PCDHA13: variants seen among roughly 807,000 people sequenced by gnomAD.
The protein encoded by PCDHA13 is protocadherin alpha-13.
Under a neutral mutation model 64.8 loss-of-function variants are expected in PCDHA13, and 54 were observed. The ratio of observed to expected loss-of-function variants is 0.83; its 90% confidence interval spans 0.67 to 1.04. The LOEUF (loss-of-function observed/expected upper bound fraction) is 1.04, where lower values mean the gene tolerates loss of function less well. Ranked by LOEUF, PCDHA13 falls within the 50% of genes least tolerant of loss-of-function variation. PCDHA13 has a pLI of 0.00. For synonymous variants in PCDHA13, 587 were observed against 564.4 expected (o/e 1.04, Z -0.57); for missense variants, 1,248 against 1,254.3 (o/e 0.99, Z 0.08).
intron 1 of PCDHA13, among the ~76,000 whole-genome samples, chr5:140,959,348 G>C (rs991931151): frequency 1.3e-5 from 2 of 152,110 alleles, no homozygotes; most frequent in Admixed American, 6.5e-5. Flanking sequence ...GCACTCCAGC[G>C]GGACAACTGA....
At chr5:140,949,219 C>T (rs543953096) in intron 1 of PCDHA13, among the ~76,000 whole-genome samples, 3 of 151,842 alleles carry the variant, frequency 2.0e-5, no homozygotes, top group African/African-American at 7.2e-5. Flanking sequence ...TCTGTTTAGA[C>T]TTGTTCTGTG....
rs782610584 is a variant in PCDHA13 at position 140,883,582 on chromosome 5, G to C, written c.1314G>C (p.Thr438=). 38 of 1,613,902 alleles carry C rather than the reference G, an allele frequency of 2.4e-5. No homozygotes were observed. The African/African-American group carries it at 3.7e-4, about 16-fold the overall frequency. ...GGGGCTCGCCTTCGCTGTGGGCCAC[G>C]GCCAGCGTGTCGGTGGGGGTGGCCG... is the stretch of plus-strand genomic sequence containing the variant. ...RDGGSPSLWA[T]ASVSVGVADV... Residue 438 remains threonine, a synonymous_variant, in exon 1 of 4, where the codon ACG becomes ACC. Transcript: ENST00000289272.
intron 1 of PCDHA13, 163 bp from the exon 2 acceptor site, chr5:140,978,786 G>C (rs2096822943): frequency 1.4e-5 from 14 of 972,674 alleles, no homozygotes; most frequent in Non-Finnish European, 1.3e-5. Context: ...CTTCTAAAGT[G>C]CTATATATGT....
rs782212784 is a variant in PCDHA13 at position 140,883,583 on chromosome 5, G to A, written c.1315G>A (p.Ala439Thr). ...GGGCTCGCCTTCGCTGTGGGCCACGGCCAGCGTGTCGGTGGGGGTGGCCGA... is the reference window on the plus strand; with the variant it reads ...GGGCTCGCCTTCGCTGTGGGCCACGACCAGCGTGTCGGTGGGGGTGGCCGA... ...DGGSPSLWAT[A>T]SVSVGVADVN... The change falls in exon 1 of 4, where the codon GCC (alanine) becomes ACC (threonine). Residue 439 changes from alanine (A) to threonine (T), a missense_variant. By Grantham distance (58) the Ala-to-Thr change is moderately conservative. Coordinates refer to ENST00000289272, the MANE Select transcript of PCDHA13 (RefSeq NM_018904.3). The A allele has an allele frequency of 1.9e-5, 31 of 1,613,916 alleles. No individual in the cohort carries two copies. The African/African-American group carries it at 3.7e-4, about 19-fold the overall frequency.
At chr5:140,962,223 A>G (rs951247075) in intron 1 of PCDHA13, among the ~76,000 whole-genome samples, 8 of 152,160 alleles carry the variant, frequency 5.3e-5, no homozygotes, top group Admixed American at 3.9e-4. Flanking sequence ...CTTGAGGTTC[A>G]AGTTTCACTT....
rs1399480801 is a variant in PCDHA13, at chr5:140,951,947, C to T, written c.2395-27002C>T. On this transcript the variant is annotated intron_variant, in intron 1 of 3. Transcript: ENST00000289272. ...TTACTCCCAAGATACAGTGCGGGTA[C>T]AGGCATTGGGTAAATACTCCTGTTC... is the stretch of plus-strand genomic sequence containing the variant. 5.3e-5 allele frequency among the ~76,000 whole-genome samples: 8 copies of T among 152,250 alleles called. No individual in the cohort carries two copies. In the East Asian group the frequency reaches 1.5e-3, roughly 29 times the overall value.
intron 1 of PCDHA13, among the ~76,000 whole-genome samples, chr5:140,895,893 C>A (rs899081253): frequency 6.6e-6 from 1 of 152,188 alleles, no homozygotes; most frequent in African/African-American, 2.4e-5. Context: ...CTCACTGCAA[C>A]CTCCGCGTCC....
intron 1 of PCDHA13, among the ~76,000 whole-genome samples, chr5:140,950,960 A>G (rs2094536305): frequency 6.6e-6 from 1 of 151,564 alleles, no homozygotes. Flanking sequence ...CTATTGATCT[A>G]TTTTCAGATT....
At chr5:140,930,208 A>G (rs939593947) in intron 1 of PCDHA13, 39 of 152,338 alleles carry the variant, frequency 2.6e-4, no homozygotes, top group African/African-American at 8.2e-4. Flanking sequence ...AGAAATATTT[A>G]TGTGTTCAAA....
chr5:140,994,275 T>C (rs1296337913), intron 3 of PCDHA13, among the ~76,000 whole-genome samples: 1 of 152,156 alleles, frequency 6.6e-6, no homozygotes, highest in African/African-American at 2.4e-5. Flanking sequence ...AGGCTGCCTT[T>C]CTTGAGACAG....
chr5:141,010,384 G>T lies in PCDHA13; in HGVS notation c.*447G>T, dbSNP rs2098417140. 10 of 1,411,480 alleles carry T rather than the reference G, an allele frequency of 7.1e-6. No homozygotes were observed. In the South Asian group the frequency reaches 8.5e-5, roughly 12 times the overall value. The allele number at this position is 1,411,480 out of a possible 1,614,324, so 87.4% of individuals were successfully genotyped here. A position where few individuals can be genotyped will look rare whatever the true frequency, so the allele number is the denominator to read the frequency against. ...GCGGGTATGCGAGTGCCAGATATTGGCTGAGACGAGCCAGCTTAGACTAAT... is the reference window on the plus strand; with the variant it reads ...GCGGGTATGCGAGTGCCAGATATTGTCTGAGACGAGCCAGCTTAGACTAAT... On this transcript the variant is annotated 3_prime_UTR_variant, in exon 4 of 4. Coordinates refer to ENST00000289272, the MANE Select transcript of PCDHA13 (RefSeq NM_018904.3).
intron 1 of PCDHA13, among the ~76,000 whole-genome samples, chr5:140,923,952 C>T (rs1313695833): frequency 5.9e-5 from 9 of 152,178 alleles, no homozygotes; most frequent in Non-Finnish European, 1.0e-4. Context: ...TTTCCTCACG[C>T]CCTAATCTAT....
chr5:140,968,807 G>C (rs1327580375), intron 1 of PCDHA13: 1 of 1,614,178 alleles, frequency 6.2e-7, no homozygotes, highest in Non-Finnish European at 8.5e-7. Flanking sequence ...AGTAGCTGTG[G>C]TGGATAGGGT....
intron 1 of PCDHA13, among the ~76,000 whole-genome samples, chr5:140,904,227 C>G (rs1373458999): frequency 2.6e-5 from 4 of 151,978 alleles, no homozygotes; most frequent in Middle Eastern, 3.2e-3. Context: ...TTGTATTATA[C>G]TTATGCCTTT....
At chr5:140,928,711 A>C in intron 1 of PCDHA13, 1 of 1,614,098 alleles carries the variant, frequency 6.2e-7, no homozygotes, top group South Asian at 1.1e-5. Flanking sequence ...GTCTGACTCT[A>C]GTCTCTTTAG....
At chr5:140,934,664 T>C (rs1268113575) in intron 1 of PCDHA13, among the ~76,000 whole-genome samples, 4 of 152,176 alleles carry the variant, frequency 2.6e-5, no homozygotes, top group Non-Finnish European at 5.9e-5. Flanking sequence ...TCTTCCCCTT[T>C]GTTTAGCAGT....
chr5:140,991,837 C>T (rs1379982421), intron 3 of PCDHA13, among the ~76,000 whole-genome samples: 3 of 152,158 alleles, frequency 2.0e-5, no homozygotes, highest in African/African-American at 7.2e-5. Context: ...ACGGCAGAAC[C>T]GCACTTCCAG....
At chr5:140,898,957 G>A (rs1165991766) in intron 1 of PCDHA13, among the ~76,000 whole-genome samples, 13 of 152,052 alleles carry the variant, frequency 8.5e-5, no homozygotes, top group Admixed American at 8.5e-4. Flanking sequence ...AAGCAGTTGT[G>A]AATGGGAGTT....
chr5:140,998,228 T>G (rs528236708), intron 3 of PCDHA13, among the ~76,000 whole-genome samples: 1 of 152,288 alleles, frequency 6.6e-6, no homozygotes, highest in East Asian at 1.9e-4. Flanking sequence ...ACCCAGAAAT[T>G]TGTGCATTAT....
Sources: gnomAD v4.1 joint callset for allele counts (sites outside exome capture counted in the v4.1 genomes callset) on GRCh38, gnomAD v4.1.1 for gene constraint, MANE v1.5 for transcripts, NCBI Gene and HGNC (gene_info 2026-07-23, HGNC 2026-07-21) for gene names.